The following TNRC6A variants were observed in gnomAD, a reference collection of about 807,000 sequenced individuals.
TNRC6A encodes trinucleotide repeat-containing gene 6A protein.
Under a neutral mutation model 221.2 loss-of-function variants are expected in TNRC6A, and 44 were observed. That is an observed-to-expected ratio of 0.20 (90% CI 0.16 to 0.26). The LOEUF is 0.26. Ranked by LOEUF, TNRC6A falls within the 10% of genes least tolerant of loss-of-function variation. The pLI is 1.00. For synonymous variants in TNRC6A, 847 were observed against 838.5 expected, an observed-to-expected ratio of 1.01 and a Z score of -0.18; for missense variants, 2,199 against 2,404.4, an observed-to-expected ratio of 0.91 and a Z score of 1.79.
At chr16:24,804,474 G>A (rs1055452262) in intron 12 of TNRC6A, 155 bp downstream of exon 12, 1 of 1,113,170 alleles carries the variant, frequency 9.0e-7, no homozygotes, top group African/African-American at 1.6e-5. Context: ...GTCTTTTTAT[G>A]TCTCAATTTA....
At chr16:24,718,236 G>T (rs1430590327) in intron 2 of TNRC6A, among the ~76,000 whole-genome samples, 2 of 152,298 alleles carry the variant, frequency 1.3e-5, no homozygotes, top group East Asian at 3.9e-4. Flanking sequence ...GTTATCTCAC[G>T]AGAGCATGTG....
chr16:24,759,133 GAC>G (rs2151495240), intron 4 of TNRC6A, among the ~76,000 whole-genome samples: 1 of 152,136 alleles, frequency 6.6e-6, no homozygotes, highest in African/African-American at 2.4e-5. Flanking sequence ...CATGATTCAA[GAC>G]ACAGAGATAA....
intron 2 of TNRC6A, among the ~76,000 whole-genome samples, chr16:24,697,037 T>C (rs2055879493): frequency 6.6e-6 from 1 of 152,138 alleles, no homozygotes; most frequent in Admixed American, 6.6e-5. Flanking sequence ...GTGACTATGG[T>C]TCACCGTAGC....
At chr16:24,690,546 C>T (rs919361391) in intron 2 of TNRC6A, among the ~76,000 whole-genome samples, 12 of 152,046 alleles carry the variant, frequency 7.9e-5, no homozygotes, top group Non-Finnish European at 7.4e-5. Flanking sequence ...CATCTGTTCA[C>T]AAGTATTATT....
In TNRC6A at chr16:24,818,597, A is replaced by G. The variant is rs767040711; in HGVS notation, c.4977A>G (p.Ser1659=). 1 of 1,614,054 alleles carries G rather than the reference A, an allele frequency of 6.2e-7. No individual in the cohort carries two copies. Among genetic ancestry groups the G allele is most frequent in the South Asian group, 1.1e-5 (1 of 91,072 alleles). Residue 1659 remains serine (S), a synonymous_variant, in exon 21 of 25, where the codon TCA becomes TCG. Transcript: ENST00000395799. ...TTGGACTCTTCCCCCACACAGGGTC[A>G]TCCTCATCCTTGAACACCACGCTGC... ...VDHLRDRNSG[S]SSSLNTTLPS...
intron 21 of TNRC6A, chr16:24,819,708 C>T (rs1317010077): frequency 4.7e-6 from 1 of 214,374 alleles, no homozygotes; most frequent in East Asian, 1.3e-4. Flanking sequence ...GTGAAGATCT[C>T]CTTTGGCAGC....
At chr16:24,752,541 T>C (rs145936312) in intron 3 of TNRC6A, among the ~76,000 whole-genome samples, 20 of 152,246 alleles carry the variant, frequency 1.3e-4, no homozygotes, top group Admixed American at 7.2e-4. Context: ...TATTGATGGA[T>C]GTCTTGGGCC....
rs1484631771 is a variant in TNRC6A, at chr16:24,790,982, A to G, written c.2340A>G (p.Val780=). The G allele has an allele frequency of 1.9e-6, 3 of 1,604,418 alleles. No homozygotes were observed. Among genetic ancestry groups the G allele is most frequent in the Non-Finnish European group, 1.7e-6 (2 of 1,175,264 alleles). Residue 780 remains valine, a synonymous_variant, in exon 6 of 25, where the codon GTA becomes GTG. Coordinates refer to ENST00000395799, the MANE Select transcript of TNRC6A (RefSeq NM_014494.4). ...TSPNGNDTSS[V]SGWGDPKPAL... Reference sequence around the variant, plus strand: ...CTAATGGTAATGATACCTCATCTGTATCAGGGTGGGGCGATCCCAAACCTG... The same window carrying G: ...CTAATGGTAATGATACCTCATCTGTGTCAGGGTGGGGCGATCCCAAACCTG...
At chr16:24,763,677 C>A (rs2057411037) in intron 4 of TNRC6A, among the ~76,000 whole-genome samples, 1 of 152,174 alleles carries the variant, frequency 6.6e-6, no homozygotes, top group Non-Finnish European at 1.5e-5. Flanking sequence ...TGTTTGCCTA[C>A]CCTGTTTTAT....
At chr16:24,731,392 T>G (rs1460035716) in intron 2 of TNRC6A, among the ~76,000 whole-genome samples, 1 of 152,218 alleles carries the variant, frequency 6.6e-6, no homozygotes, top group Non-Finnish European at 1.5e-5. Flanking sequence ...CATAAGATAC[T>G]AATCTGTTCA....
At chr16:24,611,295 A>T (rs369736540) in intron 1 of TNRC6A, among the ~76,000 whole-genome samples, 2 of 152,200 alleles carry the variant, frequency 1.3e-5, no homozygotes, top group East Asian at 3.8e-4. Flanking sequence ...CCTTCTAAAA[A>T]AAATTCTTTT....
intron 2 of TNRC6A, among the ~76,000 whole-genome samples, chr16:24,706,913 CCTGT>C (rs2142266511): frequency 6.6e-6 from 1 of 151,946 alleles, no homozygotes; most frequent in South Asian, 2.1e-4. Flanking sequence ...AAGCTGGATG[CCTGT>C]CTGATTCCTT....
At chr16:24,682,049 T>C (rs2055542322) in intron 2 of TNRC6A, among the ~76,000 whole-genome samples, 1 of 152,176 alleles carries the variant, frequency 6.6e-6, no homozygotes, top group Non-Finnish European at 1.5e-5. Context: ...TGTGATAGGA[T>C]AGTCAACTGT....
intron 14 of TNRC6A, 63 bp from the exon 15 acceptor site, chr16:24,805,542 C>T: frequency 1.9e-6 from 3 of 1,590,270 alleles, no homozygotes; most frequent in African/African-American, 1.3e-5. Flanking sequence ...TGAAAACACA[C>T]AGTACGTGTA....
chr16:24,776,989 G>A lies in TNRC6A; in HGVS notation c.220G>A (p.Gly74Ser), dbSNP rs369935611. The A allele has an allele frequency of 6.8e-6, 11 of 1,613,894 alleles. No homozygotes were observed. The highest frequency in any genetic ancestry group is 1.6e-4 in the Middle Eastern group (1 of 6,084). Residue 74 changes from glycine (G) to serine (S), a missense_variant, in exon 5 of 25, where the codon GGC becomes AGC. By Grantham distance (56) the Gly-to-Ser change is moderately conservative. Around this residue, in one of 8 missense-constraint regions of TNRC6A, gnomAD observed 1,405 missense variants for 1,400.2 expected, o/e 1.00. Transcript: ENST00000395799. ...GCCTCAGCCTGCCAACTCTAATAAC[G>A]GCACTTCCACAGCAACCAGCACTAA... ...SQPQPANSNN[G>S]TSTATSTNNN...
intron 2 of TNRC6A, among the ~76,000 whole-genome samples, chr16:24,674,054 C>T (rs1335077144): frequency 1.3e-5 from 2 of 152,080 alleles, no homozygotes; most frequent in Non-Finnish European, 2.9e-5. Context: ...GAACCATTGT[C>T]TCTAATCTAT....
chr16:24,692,163 G>T (rs7194189), intron 2 of TNRC6A, among the ~76,000 whole-genome samples: 125,909 of 152,150 alleles, frequency 0.83, 52,650 homozygotes, highest in African/African-American at 0.95. Flanking sequence ...CAGGGAGTCC[G>T]TTCTCTGAAA....
chr16:24,612,592 CA>C (rs113914907), intron 1 of TNRC6A, among the ~76,000 whole-genome samples: 5,594 of 125,374 alleles, frequency 0.045, 302 homozygotes, highest in African/African-American at 0.14. Flanking sequence ...ACAAAAAATA[CA>C]AAAAAAAAAA....
intron 18 of TNRC6A, among the ~76,000 whole-genome samples, chr16:24,813,660 T>G (rs2058594739): frequency 6.6e-6 from 1 of 152,184 alleles, no homozygotes; most frequent in African/African-American, 2.4e-5. Flanking sequence ...CACTATCTCA[T>G]CAGATACCCT....
Sources: allele counts gnomAD v4.1 joint callset (sites outside exome capture counted in the v4.1 genomes callset), GRCh38; gene constraint gnomAD v4.1.1; regional missense constraint gnomAD v4.1.1; transcripts MANE v1.5; gene names NCBI Gene and HGNC (gene_info 2026-07-23, HGNC 2026-07-21).